The following GMDS variants were observed in gnomAD, a reference collection of about 807,000 sequenced individuals.
The protein encoded by GMDS is GDP-mannose 4,6 dehydratase.
In GMDS, 20 loss-of-function variants were observed where a neutral mutation model predicts 49.9. That is an observed-to-expected ratio of 0.40 (90% CI 0.28 to 0.58). GMDS has a LOEUF of 0.58. Ranked by LOEUF, GMDS falls within the 20% of genes least tolerant of loss-of-function variation. The probability of loss-of-function intolerance (pLI) is 0.42; values close to 1 mark genes in which losing one functional copy is unlikely to be tolerated. For synonymous variants in GMDS, 177 were observed against 178.6 expected (o/e 0.99, Z 0.07); for missense variants, 362 against 481.4 (o/e 0.75, Z 2.32).
intron 9 of GMDS, among the ~76,000 whole-genome samples, chr6:1,659,210 CTT>C (rs564150050): frequency 9.4e-5 from 13 of 138,904 alleles, no homozygotes; most frequent in Non-Finnish European, 9.4e-5. Context: ...GTGGCAGGGC[CTT>C]TTTTTTTTTT....
At chr6:1,789,441 C>T (rs921483668) in intron 7 of GMDS, among the ~76,000 whole-genome samples, 5 of 152,026 alleles carry the variant, frequency 3.3e-5, no homozygotes, top group African/African-American at 7.2e-5. Flanking sequence ...AGGATGTAGT[C>T]TCCCTCCTAG....
At chr6:2,161,409 C>T (rs1006253897) in intron 1 of GMDS, among the ~76,000 whole-genome samples, 9 of 152,248 alleles carry the variant, frequency 5.9e-5, no homozygotes, top group Admixed American at 2.6e-4. Flanking sequence ...ACAAATGACA[C>T]GACTGACCAC....
At chr6:1,737,965 TACACACACATACAC>T (rs1308734649) in intron 8 of GMDS, among the ~76,000 whole-genome samples, 1 of 109,932 alleles carries the variant, frequency 9.1e-6, no homozygotes, top group Non-Finnish European at 1.8e-5. Flanking sequence ...CACACATACA[TACACACACATACAC>T]ACACACCACA....
intron 1 of GMDS, among the ~76,000 whole-genome samples, chr6:2,138,566 G>A (rs1776122027): frequency 6.6e-6 from 1 of 152,186 alleles, no homozygotes; most frequent in Non-Finnish European, 1.5e-5. Context: ...AATGTTGAAG[G>A]TGCGGTCTAG....
intron 4 of GMDS, among the ~76,000 whole-genome samples, chr6:1,978,946 T>C (rs187535812): frequency 2.2e-4 from 33 of 152,196 alleles, no homozygotes; most frequent in African/African-American, 7.2e-4. Context: ...TGATAGGTAC[T>C]GGAAAAACTG....
intron 8 of GMDS, among the ~76,000 whole-genome samples, chr6:1,737,508 C>T (rs922135352): frequency 3.3e-5 from 5 of 151,456 alleles, no homozygotes; most frequent in Non-Finnish European, 5.9e-5. Context: ...CAAACACACA[C>T]ACACACACAC....
At chr6:1,840,575 C>T (rs75269503) in intron 7 of GMDS, among the ~76,000 whole-genome samples, 2,563 of 152,258 alleles carry the variant, frequency 0.017, 35 homozygotes, top group Non-Finnish European at 0.025. Flanking sequence ...GGGCAAGAGA[C>T]GTATTTGCTG....
intron 1 of GMDS, among the ~76,000 whole-genome samples, chr6:2,134,067 T>C (rs538168693): frequency 2.0e-5 from 3 of 152,302 alleles, no homozygotes; most frequent in Admixed American, 6.5e-5. Flanking sequence ...AGGAATCACA[T>C]ATTAAAAGTC....
At chr6:1,954,367 C>T (rs1010313797) in intron 6 of GMDS, among the ~76,000 whole-genome samples, 46 of 152,328 alleles carry the variant, frequency 3.0e-4, no homozygotes, top group African/African-American at 1.1e-3. Context: ...AAGGCTGGAG[C>T]GGCTGTGGCC....
chr6:1,748,533 T>C (rs1168376315), intron 7 of GMDS, among the ~76,000 whole-genome samples: 2 of 152,236 alleles, frequency 1.3e-5, no homozygotes, highest in Non-Finnish European at 2.9e-5. Flanking sequence ...CTTCCATACT[T>C]TTCCTGTTTA....
rs188750896 is a variant in GMDS, at chr6:1,736,348, C to T, written c.890+6120G>A. ...GGTAGAGAGACAGAGAGGAAGAAAG[C>T]GAGAAGAAAAAGAGAAGAAGACCTC... On this transcript the variant is annotated intron_variant, in intron 8 of 10. Coordinates refer to ENST00000380815, the MANE Select transcript of GMDS (RefSeq NM_001500.4). 8.3e-4 allele frequency among the ~76,000 whole-genome samples: 127 copies of T among 152,098 alleles called. 1 individual carries two copies. Among genetic ancestry groups the T allele is most frequent in the African/African-American group, 2.7e-3 (111 of 41,480 alleles).
chr6:1,824,151 A>G (rs1019429983), intron 7 of GMDS, among the ~76,000 whole-genome samples: 7 of 152,068 alleles, frequency 4.6e-5, no homozygotes, highest in African/African-American at 1.7e-4. Context: ...TTCCACCACC[A>G]TCCCTTTAGC....
At chr6:1,854,274 A>T (rs180971492) in intron 7 of GMDS, among the ~76,000 whole-genome samples, 5 of 152,356 alleles carry the variant, frequency 3.3e-5, no homozygotes, top group Non-Finnish European at 7.3e-5. Context: ...GAGGCCACTG[A>T]CATTGAGTTT....
chr6:2,225,441 C>T (rs115957496), intron 1 of GMDS, among the ~76,000 whole-genome samples: 11 of 152,192 alleles, frequency 7.2e-5, no homozygotes, highest in African/African-American at 2.7e-4. Context: ...TGCAACAAAG[C>T]TGAACTAAAG....
intron 1 of GMDS, among the ~76,000 whole-genome samples, chr6:2,212,388 G>GC (rs778626293): frequency 2.4e-4 from 37 of 152,048 alleles, no homozygotes; most frequent in Non-Finnish European, 4.7e-4. Context: ...AGCGAGCATT[G>GC]CAGGACCAAC....
chr6:2,196,957 G>A (rs977304279), intron 1 of GMDS, among the ~76,000 whole-genome samples: 5 of 152,088 alleles, frequency 3.3e-5, no homozygotes, highest in African/African-American at 1.2e-4. Context: ...GATTCTAAAC[G>A]GATACTTGTC....
chr6:1,846,997 C>T (rs1307504033), intron 7 of GMDS, among the ~76,000 whole-genome samples: 2 of 152,168 alleles, frequency 1.3e-5, no homozygotes, highest in Non-Finnish European at 2.9e-5. Flanking sequence ...CTTGACCTTT[C>T]AGATGTATTG....
intron 7 of GMDS, among the ~76,000 whole-genome samples, chr6:1,911,889 C>G (rs187528766): frequency 4.5e-4 from 68 of 152,232 alleles, no homozygotes; most frequent in Admixed American, 1.7e-3. Context: ...ACGAACTACT[C>G]TGTAGGGAAA....
chr6:2,206,765 C>T (rs757927378), intron 1 of GMDS, among the ~76,000 whole-genome samples: 11 of 152,116 alleles, frequency 7.2e-5, no homozygotes, highest in Non-Finnish European at 1.6e-4. Flanking sequence ...AGATTGATGC[C>T]GGTATTGCTG....
Sources: gnomAD v4.1 joint callset for allele counts (sites outside exome capture counted in the v4.1 genomes callset) on GRCh38, gnomAD v4.1.1 for gene constraint, MANE v1.5 for transcripts, NCBI Gene and HGNC (gene_info 2026-07-23, HGNC 2026-07-21) for gene names.